Variants in FRYL observed in about 807,000 individuals in gnomAD.
FRYL encodes the protein FRY like transcription coactivator, also known as protein furry homolog-like.
A neutral mutation model predicts 351.2 loss-of-function variants in FRYL; 150 were observed. The observed-to-expected ratio is 0.43, with a 90% CI of 0.37 to 0.49. The LOEUF (loss-of-function observed/expected upper bound fraction) is 0.49, where lower values mean the gene tolerates loss of function less well. FRYL is among the 20% of genes least tolerant of loss of function. FRYL has a pLI of 0.00. For missense variants in FRYL, 3,036 were observed against 3,619.3 expected, an observed-to-expected ratio of 0.84 and a Z score of 4.13; for synonymous variants, 1,153 against 1,257.1, an observed-to-expected ratio of 0.92 and a Z score of 1.75.
At chr4:48,571,898 G>A (rs1449324547) in intron 26 of FRYL, 9 of 985,016 alleles carry the variant, frequency 9.1e-6, no homozygotes, top group Non-Finnish European at 1.1e-5. Context: ...CATTCCTTCT[G>A]AAATTCAGAA....
chr4:48,736,126 C>G (rs1578874963), intron 1 of FRYL, among the ~76,000 whole-genome samples: 1 of 151,922 alleles, frequency 6.6e-6, no homozygotes, highest in East Asian at 1.9e-4. Context: ...ACAGATGGGT[C>G]AAAAAATAAA....
At position 48,575,186 on chromosome 4, in the gene FRYL, C is replaced by T. The variant is rs200517868; in HGVS notation, c.2777G>A (p.Arg926His). 10 of 1,613,664 alleles carry T rather than the reference C, an allele frequency of 6.2e-6. No individual in the cohort carries two copies. The highest frequency in any genetic ancestry group is 1.6e-4 in the Middle Eastern group (1 of 6,062). Residue 926 changes from arginine to histidine, a missense_variant, in exon 25 of 64, where the codon CGT (arginine) becomes CAT (histidine). Around this residue, in one of 7 missense-constraint regions of FRYL, gnomAD observed 492 missense variants for 551.5 expected, o/e 0.89. Coordinates refer to ENST00000358350, the MANE Select transcript of FRYL (RefSeq NM_015030.2). ...TTCTGTGATTTCCATGCTCTCAGAA[C>T]GCATCATTGGAACTATGTGCTTAAA... ...SLFKHIVPMM[R>H]SESMEITESL...
chr4:48,747,824 C>T (rs775574130), intron 1 of FRYL, among the ~76,000 whole-genome samples: 1 of 152,220 alleles, frequency 6.6e-6, no homozygotes, highest in Non-Finnish European at 1.5e-5. Context: ...TTAAACCAGT[C>T]TTCCCATGAA....
intron 15 of FRYL, among the ~76,000 whole-genome samples, 191 bp from the exon 16 acceptor site, chr4:48,594,207 ATTTG>A (rs756253984): frequency 3.9e-5 from 6 of 152,306 alleles, no homozygotes; most frequent in South Asian, 2.1e-4. Flanking sequence ...TTATCAAATG[ATTTG>A]TTTAATACCC....
rs541882149 is a variant in FRYL, at chr4:48,777,401, C to G, written c.-384+2677G>C. 2.0e-5 allele frequency among the ~76,000 whole-genome samples: 3 copies of G among 152,148 alleles called. No homozygotes were observed. In the East Asian group the frequency reaches 5.8e-4, roughly 29 times the overall value. ...AATTAAATAACTCAAGCGGCCTTTA[C>G]AGGACATTATCTTTTTCTGTCACAA... On this transcript the variant is annotated intron_variant, in intron 1 of 63. Transcript: ENST00000358350.
intron 3 of FRYL, among the ~76,000 whole-genome samples, chr4:48,675,288 C>G (rs1490491048): frequency 6.6e-6 from 1 of 152,212 alleles, no homozygotes; most frequent in Admixed American, 6.5e-5. Flanking sequence ...GAGCCCCTTT[C>G]TGGGCTGGCC....
chr4:48,551,720 A>C, intron 36 of FRYL, 142 bp from the exon 37 acceptor site: 1 of 566,946 alleles, frequency 1.8e-6, no homozygotes, highest in Non-Finnish European at 3.1e-6. Flanking sequence ...ACTCATAATG[A>C]CCAAAAGGGA....
rs1030928130 is a variant in FRYL, at chr4:48,564,798, A to T, written c.3441+135T>A. The T allele has an allele frequency of 1.7e-5, 9 of 520,808 alleles. No individual in the cohort carries two copies. In the African/African-American group the frequency reaches 1.8e-4, roughly 10 times the overall value. 32.3% of individuals were successfully genotyped at this position (520,808 alleles called of 1,614,324 possible). A position where few individuals can be genotyped will look rare whatever the true frequency, so the allele number is the denominator to read the frequency against. ...ACATTATGGGATCCTATTTAACTTT[A>T]TATAATATGCTTTTTGCATATGATC... On this transcript the variant is annotated intron_variant, in intron 30 of 63. Transcript: ENST00000358350.
chr4:48,623,447 T>C (rs1553954303), intron 4 of FRYL, among the ~76,000 whole-genome samples: 2 of 152,146 alleles, frequency 1.3e-5, no homozygotes, highest in Non-Finnish European at 2.9e-5. Flanking sequence ...TTGTAACAAG[T>C]TTAAGTTTGA....
At chr4:48,615,557 G>GGATTTA (rs1161485951) in intron 7 of FRYL, among the ~76,000 whole-genome samples, 6 of 152,092 alleles carry the variant, frequency 3.9e-5, no homozygotes. Context: ...CTTTTATCAT[G>GGATTTA]GATCTAAGCC....
At chr4:48,603,470 G>T in intron 11 of FRYL, 82 bp from the exon 12 acceptor site, 1 of 927,594 alleles carries the variant, frequency 1.1e-6, no homozygotes, top group Non-Finnish European at 1.7e-6. Flanking sequence ...CTTTCTGTAA[G>T]GTTTGAAATT....
chr4:48,722,389 G>A (rs867834662), intron 1 of FRYL, among the ~76,000 whole-genome samples: 5 of 152,214 alleles, frequency 3.3e-5, no homozygotes, highest in Middle Eastern at 6.8e-3. Flanking sequence ...TTGTTAAAAC[G>A]TTTTATTAAA....
intron 1 of FRYL, among the ~76,000 whole-genome samples, chr4:48,723,976 A>C (rs1397309473): frequency 3.4e-5 from 5 of 149,144 alleles, no homozygotes; most frequent in East Asian, 2.0e-4. Context: ...ATAACAAAAA[A>C]AATTAGGTGG....
intron 47 of FRYL, among the ~76,000 whole-genome samples, chr4:48,536,236 T>C (rs1728853996): frequency 6.6e-6 from 1 of 152,108 alleles, no homozygotes; most frequent in Admixed American, 6.5e-5. Context: ...CTGCTGTGAC[T>C]GGGAGGAAAT....
chr4:48,684,175 A>G (rs1764936847), intron 3 of FRYL, among the ~76,000 whole-genome samples: 1 of 152,178 alleles, frequency 6.6e-6, no homozygotes, highest in South Asian at 2.1e-4. Context: ...TATTTGTTGA[A>G]TAGCTTCTCT....
At chr4:48,712,403 G>C (rs868548147) in intron 1 of FRYL, among the ~76,000 whole-genome samples, 2 of 152,320 alleles carry the variant, frequency 1.3e-5, no homozygotes, top group East Asian at 1.9e-4. Flanking sequence ...GCCAAGGCTC[G>C]AGAACTACAT....
chr4:48,763,737 G>A (rs996773157), intron 1 of FRYL, among the ~76,000 whole-genome samples: 6 of 152,076 alleles, frequency 3.9e-5, no homozygotes, highest in African/African-American at 1.4e-4. Flanking sequence ...CAAGAAAAGG[G>A]TACCCACTCT....
intron 3 of FRYL, among the ~76,000 whole-genome samples, chr4:48,649,388 C>A (rs1757195232): frequency 6.6e-6 from 1 of 152,146 alleles, no homozygotes; most frequent in Non-Finnish European, 1.5e-5. Flanking sequence ...GAAGGTCAAT[C>A]TATTTTATGT....
Position 48,634,293 on chromosome 4 carries a change from AG to A in FRYL, c.117del (p.Leu40TrpfsTer20). ...ATTTATAGGTCAGCTGTACTCACCAAGGGTTCGGCCATTACAACTTCAATTT... is the reference window on the plus strand; with the variant it reads ...ATTTATAGGTCAGCTGTACTCACCAAGGTTCGGCCATTACAACTTCAATTT... ...EKKIEVVMAE[P>X]LEKLLSRSLQ... On this transcript the variant is annotated frameshift_variant, in exon 4 of 64. Coordinates refer to ENST00000358350, the MANE Select transcript of FRYL (RefSeq NM_015030.2). LOFTEE classifies it high-confidence loss of function. 6.2e-7 allele frequency: 1 copy of A among 1,610,480 alleles called. No homozygotes were observed. The highest frequency in any genetic ancestry group is 8.5e-7 in the Non-Finnish European group (1 of 1,176,726).
Sources: gnomAD v4.1 joint callset for allele counts (sites outside exome capture counted in the v4.1 genomes callset) on GRCh38, gnomAD v4.1.1 for gene constraint, gnomAD v4.1.1 regional missense constraint, MANE v1.5 for transcripts, NCBI Gene and HGNC (gene_info 2026-07-23, HGNC 2026-07-21) for gene names.